The following DPYSL2 variants were observed in gnomAD, a reference collection of about 807,000 sequenced individuals.
DPYSL2 encodes dihydropyrimidinase-related protein 2.
Under a neutral mutation model 69.9 loss-of-function variants are expected in DPYSL2, and 13 were observed. The ratio of observed to expected loss-of-function variants is 0.19; its 90% CI spans 0.12 to 0.30. DPYSL2 has a LOEUF of 0.30. DPYSL2 is among the 10% of genes least tolerant of loss of function. The pLI, the probability that DPYSL2 is intolerant of heterozygous loss-of-function variation, is 1.00. For synonymous variants in DPYSL2, 326 were observed against 359.1 expected, an observed-to-expected ratio of 0.91 and a Z score of 1.04; for missense variants, 587 against 918.9, an observed-to-expected ratio of 0.64 and a Z score of 4.67.
rs115776486 is a variant in DPYSL2, at chr8:26,553,858, C to A, written c.355-28111C>A. On this transcript the variant is annotated intron_variant, in intron 1 of 13. Transcript: ENST00000521913. ...TCCCACCAACAGTGCACAAGTGTTC[C>A]ATTTTCTCTGCAACCTCATCAGTAC... is the stretch of plus-strand genomic sequence containing the variant. Among the ~76,000 whole-genome samples, 404 of 149,636 alleles carry A rather than the reference C, an allele frequency of 2.7e-3. 3 individuals carry two copies. Among genetic ancestry groups the A allele is most frequent in the African/African-American group, 9.6e-3 (390 of 40,810 alleles).
At chr8:26,606,028 C>G (rs770463857) in intron 3 of DPYSL2, among the ~76,000 whole-genome samples, 1 of 152,028 alleles carries the variant, frequency 6.6e-6, no homozygotes, top group Admixed American at 6.6e-5. Context: ...GGCTGGGAGA[C>G]CACTACTGGC....
intron 1 of DPYSL2, among the ~76,000 whole-genome samples, chr8:26,552,730 C>A (rs983815882): frequency 1.3e-5 from 2 of 152,060 alleles, no homozygotes; most frequent in African/African-American, 4.8e-5. Flanking sequence ...GATAAGTAGC[C>A]CACTCCCTCA....
At chr8:26,561,585 G>A (rs144245423) in intron 1 of DPYSL2, among the ~76,000 whole-genome samples, 30 of 151,460 alleles carry the variant, frequency 2.0e-4, no homozygotes, top group African/African-American at 7.3e-4. Context: ...TACTCACTTG[G>A]TCTTTCTTAC....
At chr8:26,575,030 T>C (rs1454443533) in intron 1 of DPYSL2, among the ~76,000 whole-genome samples, 1 of 152,224 alleles carries the variant, frequency 6.6e-6, no homozygotes, top group African/African-American at 2.4e-5. Flanking sequence ...GCCTCCCGGA[T>C]TCAAGTGATT....
rs1159604893 is a variant in DPYSL2, at chr8:26,642,391, T to C, written c.1127-1048T>C. On this transcript the variant is annotated intron_variant, in intron 8 of 13. Transcript: ENST00000521913. This position sits in a 1 kb window ranked among gnomAD's most constrained non-coding sequence, Gnocchi z 5.3. ...GCATCTGATGCTTTGGTGAGGAGGA[T>C]TTTCTTTTAAGTCCTTGAATGCAGA... is the stretch of plus-strand genomic sequence containing the variant. 6.6e-6 allele frequency among the ~76,000 whole-genome samples: 1 copy of C among 152,082 alleles called. No homozygotes were observed. Among genetic ancestry groups the C allele is most frequent in the African/African-American group, 2.4e-5 (1 of 41,398 alleles).
chr8:26,525,835 A>G (rs1808466837), intron 1 of DPYSL2, among the ~76,000 whole-genome samples: 1 of 152,128 alleles, frequency 6.6e-6, no homozygotes, highest in Admixed American at 6.5e-5. Flanking sequence ...CATTGCAGAT[A>G]TTTTTAGTTA....
chr8:26,595,616 T>C (rs1801843359), intron 3 of DPYSL2, among the ~76,000 whole-genome samples: 1 of 152,224 alleles, frequency 6.6e-6, no homozygotes, highest in South Asian at 2.1e-4. Context: ...CCTTGCAGTT[T>C]GCTGAGCTTC....
At position 26,556,365 on chromosome 8, in the gene DPYSL2, G is replaced by GTA. The variant is rs1386802424; in HGVS notation, c.355-25593_355-25592dup. Reference sequence around the variant, plus strand: ...TATATATATATAGTATATATATATAGTATATATATATAGTATATACACACA... The same window carrying GTA: ...TATATATATATAGTATATATATATAGTATATATATATATAGTATATACACACA... On this transcript the variant is annotated intron_variant, in intron 1 of 13. Transcript: ENST00000521913. 1.6e-3 allele frequency among the ~76,000 whole-genome samples: 68 copies of GTA among 43,700 alleles called. 10 individuals carry two copies. The highest frequency in any genetic ancestry group is 2.3e-3 in the Non-Finnish European group (48 of 21,284). The allele number at this position is 43,700 out of a possible 152,430, so 28.7% of individuals were successfully genotyped here.
Position 26,593,253 on chromosome 8 carries a change from C to T in DPYSL2, c.628+9270C>T, listed in dbSNP as rs898919644. 1.3e-5 allele frequency among the ~76,000 whole-genome samples: 2 copies of T among 152,080 alleles called. No individual in the cohort carries two copies. Among genetic ancestry groups the T allele is most frequent in the African/African-American group, 4.8e-5 (2 of 41,396 alleles). On this transcript the variant is annotated intron_variant, in intron 3 of 13. Transcript: ENST00000521913. The surrounding 1 kb of genome is among the most constrained non-coding windows in gnomAD (Gnocchi z 5.7). ...TAGGGCAGTGGTTTAAAAACCTTGACTGCACATTAGAATCCCCTGGGGAGT... is the reference window on the plus strand; with the variant it reads ...TAGGGCAGTGGTTTAAAAACCTTGATTGCACATTAGAATCCCCTGGGGAGT...
chr8:26,544,929 G>C (rs1409509286), intron 1 of DPYSL2, among the ~76,000 whole-genome samples: 1 of 152,172 alleles, frequency 6.6e-6, no homozygotes, highest in Non-Finnish European at 1.5e-5. Flanking sequence ...ATTTTATAGT[G>C]ATAAAAAGGT....
chr8:26,626,548 T>A lies in DPYSL2; in HGVS notation c.794-69T>A, dbSNP rs4872457. ...GTACACACACAGACAGTATTATCAC[T>A]TTCTTATCCCTTATTTGGTTATTTG... On this transcript the variant is annotated intron_variant, in intron 4 of 13. Coordinates refer to ENST00000521913, the MANE Select transcript of DPYSL2 (RefSeq NM_001197293.3). This position sits in a 1 kb window ranked among gnomAD's most constrained non-coding sequence, Gnocchi z 4.3. The A allele has an allele frequency of 6.4e-6, 9 of 1,412,768 alleles. No homozygotes were observed. The highest frequency in any genetic ancestry group is 1.8e-4 in the Middle Eastern group (1 of 5,678). 87.5% of individuals were successfully genotyped at this position (1,412,768 alleles called of 1,614,324 possible).
chr8:26,613,155 T>C (rs1412983005), intron 3 of DPYSL2, among the ~76,000 whole-genome samples: 11 of 152,230 alleles, frequency 7.2e-5, no homozygotes, highest in Non-Finnish European at 1.5e-4. Context: ...GAGCTAGGGT[T>C]GTGCCTGTGT....
chr8:26,557,698 T>A (rs10107748), intron 1 of DPYSL2, among the ~76,000 whole-genome samples: 148,776 of 150,062 alleles, frequency 0.99, 73,762 homozygotes, highest in Middle Eastern at 1. Context: ...CTGAGGCATG[T>A]GAATCATTTG....
chr8:26,654,652 A>G lies in DPYSL2; in HGVS notation c.1943-963A>G, dbSNP rs1563201258. On this transcript the variant is annotated intron_variant, in intron 13 of 13. Coordinates refer to ENST00000521913, the MANE Select transcript of DPYSL2 (RefSeq NM_001197293.3). This position sits in a 1 kb window ranked among gnomAD's most constrained non-coding sequence, Gnocchi z 5.0. ...AGGATTAGGGGATTAGAATGCCAGA[A>G]GAGGGCTATGTCCTCAGAAAAGCCA... Among the ~76,000 whole-genome samples the G allele has an allele frequency of 6.6e-6, 1 of 152,160 alleles. No individual in the cohort carries two copies. The highest frequency in any genetic ancestry group is 1.5e-5 in the Non-Finnish European group (1 of 68,030).
At chr8:26,534,831 C>A (rs775928877) in intron 1 of DPYSL2, among the ~76,000 whole-genome samples, 7 of 151,742 alleles carry the variant, frequency 4.6e-5, no homozygotes, top group Non-Finnish European at 1.0e-4. Context: ...GAGATGGGGT[C>A]TATGTTGTCC....
At chr8:26,577,705 AGAAAGCGCGCGAAAG>A (rs1801384979) in intron 1 of DPYSL2, 1 of 721,284 alleles carries the variant, frequency 1.4e-6, no homozygotes. Context: ...CCCGGCCCGA[AGAAAGCGCGCGAAAG>A]GCGCGCTCCC....
Position 26,653,921 on chromosome 8 carries a change from T to G in DPYSL2, c.1942+524T>G, listed in dbSNP as rs998088152. Among the ~76,000 whole-genome samples the G allele has an allele frequency of 3.5e-4, 54 of 152,194 alleles. No homozygotes were observed. The highest frequency in any genetic ancestry group is 1.3e-3 in the African/African-American group (52 of 41,446). On this transcript the variant is annotated intron_variant, in intron 13 of 13. Coordinates refer to ENST00000521913, the MANE Select transcript of DPYSL2 (RefSeq NM_001197293.3). This position sits in a 1 kb window ranked among gnomAD's most constrained non-coding sequence, Gnocchi z 5.7. ...TTGGGTTTCAGAATCTTGAGATCAG[T>G]TTGTGTCACACAATGCCCATACTGT... is the stretch of plus-strand genomic sequence containing the variant.
At chr8:26,555,756 G>A (rs181376815) in intron 1 of DPYSL2, among the ~76,000 whole-genome samples, 20 of 150,654 alleles carry the variant, frequency 1.3e-4, no homozygotes, top group South Asian at 4.2e-4. Flanking sequence ...GTTGGGGGGC[G>A]TGCACCTGTA....
chr8:26,561,641 G>T (rs1009078250), intron 1 of DPYSL2, among the ~76,000 whole-genome samples: 1 of 152,004 alleles, frequency 6.6e-6, no homozygotes, highest in African/African-American at 2.4e-5. Flanking sequence ...CCATGGACCA[G>T]TTTCATAGAA....
Sources: gnomAD v4.1 joint callset for allele counts (sites outside exome capture counted in the v4.1 genomes callset) on GRCh38, gnomAD v4.1.1 for gene constraint, Gnocchi (gnomAD v3.1) non-coding constraint, MANE v1.5 for transcripts, NCBI Gene and HGNC (gene_info 2026-07-23, HGNC 2026-07-21) for gene names.